Variants in TM9SF1 observed in about 807,000 individuals in gnomAD.
TM9SF1 encodes the protein transmembrane 9 superfamily member 1, also known as MP70 protein family member.
TM9SF1 carries 25 observed loss-of-function variants against 52.4 expected under a neutral mutation model. That is an observed-to-expected ratio of 0.48 (90% CI 0.35 to 0.67). TM9SF1 has a LOEUF of 0.67. Among genes scored for constraint, TM9SF1 ranks in the 30% least tolerant of loss-of-function variants. The pLI is 0.01. For missense variants in TM9SF1, 604 were observed against 780.3 expected (o/e 0.77, Z 2.69); for synonymous variants, 284 against 299.8 (o/e 0.95, Z 0.55).
Position 24,193,328 on chromosome 14 carries a change from CAA to C in TM9SF1, c.346-61_346-60del, listed in dbSNP as rs540231297. ...GATCTCCCCAGGCGCAGAGTTACAG[CAA>C]AGTTTCTCACCTTCAGCACTACTGA... On this transcript the variant is annotated intron_variant, in intron 2 of 5. Transcript: ENST00000261789. The C allele has an allele frequency of 1.9e-3, 2,869 of 1,518,374 alleles. 3 individuals are homozygous for C. The highest frequency in any genetic ancestry group is 2.3e-3 in the Non-Finnish European group (2,586 of 1,131,236). The allele number at this position is 1,518,374 out of a possible 1,614,324, so 94.1% of individuals were successfully genotyped here.
At chr14:24,189,910 C>G in intron 5 of TM9SF1, 102 bp from the exon 6 acceptor site, 1 of 1,462,808 alleles carries the variant, frequency 6.8e-7, no homozygotes. Flanking sequence ...GTTGCTGGGT[C>G]ATTGTGAAAA....
Position 24,193,248 on chromosome 14 carries a change from T to C in TM9SF1, c.367A>G (p.Ile123Val). Residue 123 changes from isoleucine to valine, a missense_variant, in exon 3 of 6, where the codon ATT (isoleucine) becomes GTT (valine). Coordinates refer to ENST00000261789, the MANE Select transcript of TM9SF1 (RefSeq NM_006405.7). ...SAQVEQLRQAIEELYYFEFVV... is the reference protein window; with the variant it reads ...SAQVEQLRQAVEELYYFEFVV... Reference sequence around the variant, plus strand: ...AATTCAAAGTAGTACAGTTCTTCAATGGCCTGGCGCAGCTGCTCCACCTAT... The same window carrying C: ...AATTCAAAGTAGTACAGTTCTTCAACGGCCTGGCGCAGCTGCTCCACCTAT... 2 of 1,606,788 alleles carry C rather than the reference T, an allele frequency of 1.2e-6. No homozygotes were observed. Among genetic ancestry groups the C allele is most frequent in the Non-Finnish European group, 1.7e-6 (2 of 1,175,278 alleles).
chr14:24,192,231 G>A lies in TM9SF1; in HGVS notation c.1093C>T (p.Arg365Trp), dbSNP rs1198680902. ...ISGYVSSHFY[R>W]QIGGERWVWN... ...ACCCAACGCTCGCCTCCAATCTGCCGGTAGAAGTGGCTGGACACGTAGCCA... is the reference window on the plus strand; with the variant it reads ...ACCCAACGCTCGCCTCCAATCTGCCAGTAGAAGTGGCTGGACACGTAGCCA... Residue 365 changes from arginine (R) to tryptophan (W), a missense_variant, in exon 4 of 6, where the codon CGG becomes TGG. Transcript: ENST00000261789. This position sits in a 1 kb window ranked among gnomAD's most constrained non-coding sequence, Gnocchi z 4.0. 8.1e-6 allele frequency: 13 copies of A among 1,614,098 alleles called. No homozygotes were observed. Among genetic ancestry groups the A allele is most frequent in the Non-Finnish European group, 1.0e-5 (12 of 1,180,044 alleles).
intron 2 of TM9SF1, 51 bp downstream of exon 2, chr14:24,194,624 G>A (rs1221172672): frequency 1.3e-6 from 2 of 1,510,802 alleles, no homozygotes; most frequent in South Asian, 1.2e-5. Flanking sequence ...GTAAGGCACT[G>A]TTAGTCTCTG....
In TM9SF1 at chr14:24,189,529, G is replaced by T. The variant is rs2039284104; in HGVS notation, c.1707C>A (p.Phe569Leu). ...NMSGAVQTVE[F>L]FGYSLLTGYV... ...AACCAGTGAGTAAGGAGTAGCCGAA[G>T]AACTCTACTGTCTGTACTGCCCCAG... The change falls in exon 6 of 6, where the codon TTC becomes TTA. Residue 569 changes from phenylalanine (F) to leucine (L), a missense_variant. Around this residue, in one of 3 missense-constraint regions of TM9SF1, gnomAD observed 107 missense variants for 180.5 expected, o/e 0.59. Coordinates refer to ENST00000261789, the MANE Select transcript of TM9SF1 (RefSeq NM_006405.7). 6.2e-7 allele frequency: 1 copy of T among 1,614,230 alleles called. No individual in the cohort carries two copies. The highest frequency in any genetic ancestry group is 8.5e-7 in the Non-Finnish European group (1 of 1,180,040).
chr14:24,194,779 C>A lies in TM9SF1; in HGVS notation c.241G>T (p.Glu81Ter), dbSNP rs762691878. 6.2e-7 allele frequency: 1 copy of A among 1,614,252 alleles called. No homozygotes were observed. Among genetic ancestry groups the A allele is most frequent in the South Asian group, 1.1e-5 (1 of 91,092 alleles). ...KIRHKSLSLG[E>*]VLDGDRMAES... is the part of the protein sequence containing the mutation. ...GCCATTCGGTCCCCATCCAGCACTT[C>A]ACCCAGGCTAAGGCTTTTGTGACGT... The change falls in exon 2 of 6, where the codon GAA (glutamate) becomes TAA (stop). Residue 81 changes from glutamate (E) to a stop codon, truncating the protein, a stop_gained. Coordinates refer to ENST00000261789, the MANE Select transcript of TM9SF1 (RefSeq NM_006405.7). LOFTEE classifies it high-confidence loss of function.
At position 24,194,690 on chromosome 14, in the gene TM9SF1, C is replaced by A; in HGVS notation, c.330G>T (p.Gln110His). 6.2e-7 allele frequency: 1 copy of A among 1,613,994 alleles called. No individual in the cohort carries two copies. Among genetic ancestry groups the A allele is most frequent in the Non-Finnish European group, 8.5e-7 (1 of 1,179,874 alleles). The change falls in exon 2 of 6, where the codon CAG (glutamine) becomes CAT (histidine). Residue 110 changes from glutamine to histidine, a missense_variant. By Grantham distance (24) the Gln-to-His change is conservative (BLOSUM62 0). Around this residue, in one of 3 missense-constraint regions of TM9SF1, gnomAD observed 450 missense variants for 560.1 expected, o/e 0.80. Coordinates refer to ENST00000261789, the MANE Select transcript of TM9SF1 (RefSeq NM_006405.7). ...NVEKRILCHM[Q>H]LSSAQVEQLR... ...AGAGGCTGACCTGTGCAGAACTGAG[C>A]TGCATGTGGCACAGAATTCTCTTCT...
intron 2 of TM9SF1, among the ~76,000 whole-genome samples, chr14:24,194,442 T>C (rs138602166): frequency 2.0e-5 from 3 of 152,300 alleles, no homozygotes; most frequent in African/African-American, 7.2e-5. Context: ...GGCTCTGATA[T>C]CAGTTCTGCA....
At position 24,192,348 on chromosome 14, in the gene TM9SF1, C is replaced by A. The variant is rs1208545546; in HGVS notation, c.976G>T (p.Val326Phe). ...QFLALGTGII[V>F]MALLGMFNVH... ...TTGAACATGCCCAGCAGTGCCATGACAATAATGCCTGCAGGACGGTAGCGG... is the reference window on the plus strand; with the variant it reads ...TTGAACATGCCCAGCAGTGCCATGAAAATAATGCCTGCAGGACGGTAGCGG... The change falls in exon 4 of 6, where the codon GTC becomes TTC. Residue 326 changes from valine to phenylalanine, a missense_variant. By Grantham distance (50) the Val-to-Phe change is conservative (BLOSUM62 -1). Around this residue, in one of 3 missense-constraint regions of TM9SF1, gnomAD observed 450 missense variants for 560.1 expected, o/e 0.80. Transcript: ENST00000261789. This position sits in a 1 kb window ranked among gnomAD's most constrained non-coding sequence, Gnocchi z 4.0. The A allele has an allele frequency of 2.5e-6, 4 of 1,613,416 alleles. No individual in the cohort carries two copies. In the African/African-American group the frequency reaches 5.3e-5, roughly 22 times the overall value.
At position 24,192,238 on chromosome 14, in the gene TM9SF1, G is replaced by T; in HGVS notation, c.1086C>A (p.His362Gln). Residue 362 changes from histidine (H) to glutamine (Q), a missense_variant, in exon 4 of 6, where the codon CAC (histidine) becomes CAA (glutamine). Physicochemically the swap from His to Gln is conservative, Grantham distance 24. Around this residue, in one of 3 missense-constraint regions of TM9SF1, gnomAD observed 450 missense variants for 560.1 expected, o/e 0.80. Transcript: ENST00000261789. This position sits in a 1 kb window ranked among gnomAD's most constrained non-coding sequence, Gnocchi z 4.0. Reference sequence around the variant, plus strand: ...GCTCGCCTCCAATCTGCCGGTAGAAGTGGCTGGACACGTAGCCAGAGATGC... The same window carrying T: ...GCTCGCCTCCAATCTGCCGGTAGAATTGGCTGGACACGTAGCCAGAGATGC... The part of the protein sequence containing the change: ...TCCISGYVSS[H>Q]FYRQIGGERW... 1 of 1,614,226 alleles carries T rather than the reference G, an allele frequency of 6.2e-7. No individual in the cohort carries two copies. The highest frequency in any genetic ancestry group is 2.2e-5 in the East Asian group (1 of 44,892).
chr14:24,190,434 G>A lies in TM9SF1; in HGVS notation c.1373C>T (p.Pro458Leu). The change falls in exon 5 of 6, where the codon CCC becomes CTC. Residue 458 changes from proline (P) to leucine (L), a missense_variant. Coordinates refer to ENST00000261789, the MANE Select transcript of TM9SF1 (RefSeq NM_006405.7). ...KNIAREIPPQPWYKSTVIHMT... is the reference protein window; with the variant it reads ...KNIAREIPPQLWYKSTVIHMT... ...GTGGATGACAGTAGACTTGTACCAG[G>A]GCTGGGGTGGAATCTCCCGGGCGAT... 7 of 1,612,692 alleles carry A rather than the reference G, an allele frequency of 4.3e-6. No individual in the cohort carries two copies. The highest frequency in any genetic ancestry group is 5.9e-6 in the Non-Finnish European group (7 of 1,179,124).
chr14:24,193,412 G>A, intron 2 of TM9SF1, 143 bp from the exon 3 acceptor site: 5 of 962,994 alleles, frequency 5.2e-6, no homozygotes, highest in Non-Finnish European at 7.4e-6. Flanking sequence ...TGTCACCCAG[G>A]CTGGAGTGCA....
chr14:24,194,380 C>A (rs542234285), intron 2 of TM9SF1, among the ~76,000 whole-genome samples: 20 of 152,296 alleles, frequency 1.3e-4, no homozygotes, highest in Middle Eastern at 6.8e-3. Flanking sequence ...CTATGTGGGA[C>A]TGATAGTTGG....
intron 2 of TM9SF1, among the ~76,000 whole-genome samples, chr14:24,193,740 G>A (rs2039357385): frequency 6.7e-6 from 1 of 149,358 alleles, no homozygotes; most frequent in Admixed American, 6.7e-5. Flanking sequence ...CTAACACGGT[G>A]AAACCCCGTC....
chr14:24,190,705 A>C, intron 4 of TM9SF1, 52 bp from the exon 5 acceptor site: 6 of 1,515,344 alleles, frequency 4.0e-6, no homozygotes, highest in Non-Finnish European at 4.5e-6. Context: ...CTACATCTCT[A>C]AGGGCACCCA....
At chr14:24,193,935 G>A (rs2039360919) in intron 2 of TM9SF1, among the ~76,000 whole-genome samples, 1 of 148,942 alleles carries the variant, frequency 6.7e-6, no homozygotes, top group African/African-American at 2.5e-5. Flanking sequence ...AAAAAAAAAA[G>A]TGCTGGGATT....
Position 24,189,635 on chromosome 14 carries a change from C to A in TM9SF1, c.1601G>T (p.Arg534Leu), listed in dbSNP as rs200572805. ...LSGEDYRWWW[R>L]SVLSVGSTGL... ...GGTGGAGCCAACACTCAGCACAGAT[C>A]GCCACCACCAGCGGTAATCCTCCCC... Residue 534 changes from arginine to leucine, a missense_variant, in exon 6 of 6, where the codon CGA becomes CTA. Physicochemically the swap from Arg to Leu is moderately radical, Grantham distance 102. This residue lies in a region of TM9SF1 where 107 missense variants were observed against 180.5 expected (regional missense o/e 0.59). Transcript: ENST00000261789. The A allele has an allele frequency of 1.9e-6, 3 of 1,614,100 alleles. No individual in the cohort carries two copies. The South Asian group carries it at 3.3e-5, about 18-fold the overall frequency.
At chr14:24,190,256 G>C (rs897582775) in intron 5 of TM9SF1, 124 bp downstream of exon 5, 1 of 1,498,548 alleles carries the variant, frequency 6.7e-7, no homozygotes, top group Admixed American at 2.4e-5. Flanking sequence ...ACCATTTAAT[G>C]ATCTCTGAAT....
Position 24,189,307 on chromosome 14 carries a change from G to C in TM9SF1, c.*108C>G. 2 of 1,283,832 alleles carry C rather than the reference G, an allele frequency of 1.6e-6. No individual in the cohort carries two copies. The highest frequency in any genetic ancestry group is 2.1e-6 in the Non-Finnish European group (2 of 936,032). 79.5% of individuals were successfully genotyped at this position (1,283,832 alleles called of 1,614,324 possible). On this transcript the variant is annotated 3_prime_UTR_variant, in exon 6 of 6. Transcript: ENST00000261789. ...GGAATGCCCAAAGGGCAAAAGGGAA[G>C]GCAACAATGCCATCACACAATTCAG...
Sources: gnomAD v4.1 joint callset for allele counts (sites outside exome capture counted in the v4.1 genomes callset) on GRCh38, gnomAD v4.1.1 for gene constraint, gnomAD v4.1.1 regional missense constraint, Gnocchi (gnomAD v3.1) non-coding constraint, MANE v1.5 for transcripts, NCBI Gene and HGNC (gene_info 2026-07-23, HGNC 2026-07-21) for gene names.